Variants in NRXN3 observed in about 807,000 individuals in gnomAD.
The protein encoded by NRXN3 is neurexin III.
In NRXN3, 32 loss-of-function variants were observed where a neutral mutation model predicts 137.6. The observed-to-expected ratio is 0.23, with a 90% CI of 0.18 to 0.31. The LOEUF is 0.31. NRXN3 is among the 10% of genes least tolerant of loss of function. The probability of loss-of-function intolerance (pLI) is 1.00; values close to 1 mark genes in which losing one functional copy is unlikely to be tolerated. For synonymous variants in NRXN3, 798 were observed against 784.5 expected, an observed-to-expected ratio of 1.02 and a Z score of -0.29; for missense variants, 1,574 against 2,062.5, an observed-to-expected ratio of 0.76 and a Z score of 4.59.
chr14:79,663,239 T>G (rs2098542787), intron 16 of NRXN3, among the ~76,000 whole-genome samples: 1 of 148,630 alleles, frequency 6.7e-6, no homozygotes, highest in Non-Finnish European at 1.5e-5. Context: ...CATGTGTGTG[T>G]GTGTACGCGT....
chr14:79,528,503 G>C (rs1379276621), intron 16 of NRXN3, among the ~76,000 whole-genome samples: 2 of 152,086 alleles, frequency 1.3e-5, no homozygotes, highest in Non-Finnish European at 2.9e-5. Context: ...CTCTATGTGA[G>C]TATGTTTGCA....
At chr14:79,739,714 T>C (rs919299202) in intron 19 of NRXN3, among the ~76,000 whole-genome samples, 1 of 137,800 alleles carries the variant, frequency 7.3e-6, no homozygotes, top group African/African-American at 2.7e-5. Context: ...AGGTGCCAGG[T>C]ACTCTTGTCT....
intron 4 of NRXN3, among the ~76,000 whole-genome samples, chr14:78,585,890 T>A (rs959440038): frequency 1.2e-4 from 19 of 152,168 alleles, no homozygotes; most frequent in African/African-American, 4.6e-4. Flanking sequence ...GACAAAAATC[T>A]AGGCTAGAAT....
At chr14:78,658,219 T>C (rs2097800932) in intron 6 of NRXN3, among the ~76,000 whole-genome samples, 1 of 152,188 alleles carries the variant, frequency 6.6e-6, no homozygotes, top group Admixed American at 6.5e-5. Context: ...AGGGTGGGCT[T>C]CAGCAGCACA....
At chr14:78,473,635 T>G (rs1302619908) in intron 4 of NRXN3, among the ~76,000 whole-genome samples, 3 of 152,150 alleles carry the variant, frequency 2.0e-5, no homozygotes, top group Non-Finnish European at 2.9e-5. Context: ...TAATAAACAT[T>G]TATTGTTAAT....
chr14:79,753,306 A>T (rs2099005351), intron 19 of NRXN3, among the ~76,000 whole-genome samples: 3 of 151,922 alleles, frequency 2.0e-5, no homozygotes, highest in African/African-American at 7.3e-5. Context: ...AATAGCAAAG[A>T]CTTGGAACTA....
intron 15 of NRXN3, among the ~76,000 whole-genome samples, chr14:79,116,438 G>A (rs1002287071): frequency 2.0e-5 from 3 of 152,222 alleles, no homozygotes; most frequent in East Asian, 1.9e-4. Flanking sequence ...TTGTTCTGCC[G>A]GGCTGACCCC....
rs533527862 is a variant in NRXN3, at chr14:79,125,366, G to A, written c.3262+137225G>A. Reference sequence around the variant, plus strand: ...TATGGACAATAGTTCCACCTACCTTGTTCAGTAGTACACCTCCAGCACTTT... The same window carrying A: ...TATGGACAATAGTTCCACCTACCTTATTCAGTAGTACACCTCCAGCACTTT... On this transcript the variant is annotated intron_variant, in intron 15 of 20. Transcript: ENST00000335750. Among the ~76,000 whole-genome samples, 25 of 152,262 alleles carry A rather than the reference G, an allele frequency of 1.6e-4. No homozygotes were observed. In the South Asian group the frequency reaches 5.2e-3, roughly 32 times the overall value.
intron 15 of NRXN3, among the ~76,000 whole-genome samples, chr14:79,198,895 C>T (rs543246522): frequency 2.6e-5 from 4 of 152,158 alleles, no homozygotes; most frequent in Admixed American, 6.5e-5. Context: ...TGGCCAGGTG[C>T]GGTGGCTCAC....
At chr14:78,463,824 C>T (rs898851945) in intron 4 of NRXN3, among the ~76,000 whole-genome samples, 2 of 150,686 alleles carry the variant, frequency 1.3e-5, no homozygotes, top group Middle Eastern at 6.3e-3. Flanking sequence ...TTGCTGAATA[C>T]ATTTACTTAG....
At chr14:78,653,710 TACACACACAC>T (rs10650669) in intron 6 of NRXN3, among the ~76,000 whole-genome samples, 7 of 142,910 alleles carry the variant, frequency 4.9e-5, no homozygotes, top group Admixed American at 7.0e-5. Context: ...GAAAATAAAA[TACACACACAC>T]ACACACACAC....
intron 4 of NRXN3, among the ~76,000 whole-genome samples, chr14:78,644,322 C>G (rs1434433151): frequency 1.3e-5 from 2 of 151,860 alleles, no homozygotes; most frequent in African/African-American, 4.8e-5. Context: ...GATCTTGGCC[C>G]CATGGAACTC....
intron 1 of NRXN3, among the ~76,000 whole-genome samples, chr14:78,172,576 T>C (rs2058827771): frequency 6.6e-6 from 1 of 151,996 alleles, no homozygotes; most frequent in Admixed American, 6.6e-5. Flanking sequence ...TTGTTGTTGT[T>C]GGGGAGTGGA....
intron 4 of NRXN3, among the ~76,000 whole-genome samples, chr14:78,395,560 C>A (rs372137667): frequency 6.6e-6 from 1 of 151,696 alleles, no homozygotes; most frequent in East Asian, 1.9e-4. Context: ...TGGGTTCTAT[C>A]TCTTTGTGAT....
chr14:78,287,813 T>A (rs889809160), intron 3 of NRXN3, among the ~76,000 whole-genome samples: 5 of 152,184 alleles, frequency 3.3e-5, no homozygotes, highest in African/African-American at 9.7e-5. Flanking sequence ...GTTTTTTTTT[T>A]AAGCATTCTC....
At chr14:79,634,650 A>G (rs969859324) in intron 16 of NRXN3, among the ~76,000 whole-genome samples, 6 of 152,152 alleles carry the variant, frequency 3.9e-5, no homozygotes, top group Admixed American at 1.3e-4. Context: ...GCAGTATTTT[A>G]CCCGTGAGCT....
chr14:79,195,975 A>G (rs1205786931), intron 15 of NRXN3, among the ~76,000 whole-genome samples: 1 of 152,216 alleles, frequency 6.6e-6, no homozygotes, highest in Non-Finnish European at 1.5e-5. Flanking sequence ...TCCTGAACCA[A>G]ATGACTAGCT....
chr14:79,077,854 G>T (rs2046248506), intron 15 of NRXN3, among the ~76,000 whole-genome samples: 1 of 152,076 alleles, frequency 6.6e-6, no homozygotes, highest in South Asian at 2.1e-4. Flanking sequence ...ACATCTGTCA[G>T]GGAGAGTATA....
intron 1 of NRXN3, among the ~76,000 whole-genome samples, chr14:78,184,101 A>G (rs2060034832): frequency 6.6e-6 from 1 of 152,244 alleles, no homozygotes; most frequent in Non-Finnish European, 1.5e-5. Context: ...AAAAACAAAA[A>G]TAAGTCACCT....
Sources: gnomAD v4.1 joint callset for allele counts (sites outside exome capture counted in the v4.1 genomes callset) on GRCh38, gnomAD v4.1.1 for gene constraint, MANE v1.5 for transcripts, NCBI Gene and HGNC (gene_info 2026-07-23, HGNC 2026-07-21) for gene names.